The following R3HCC1L variants were observed in gnomAD, a reference collection of about 807,000 sequenced individuals.
The protein encoded by R3HCC1L is R3H domain and coiled-coil containing 1 like.
In R3HCC1L, 51 loss-of-function variants were observed where a neutral mutation model predicts 59.9. The ratio of observed to expected loss-of-function variants is 0.85; its 90% confidence interval spans 0.68 to 1.07. The LOEUF (loss-of-function observed/expected upper bound fraction) is 1.07, where lower values mean the gene tolerates loss of function less well. R3HCC1L is among the 50% of genes least tolerant of loss of function. R3HCC1L has a pLI of 0.00. For missense variants in R3HCC1L, 965 were observed against 933.0 expected, an observed-to-expected ratio of 1.03 and a Z score of -0.45; for synonymous variants, 322 against 315.2, an observed-to-expected ratio of 1.02 and a Z score of -0.23.
At chr10:98,147,784 C>G (rs913798181) in intron 1 of R3HCC1L, among the ~76,000 whole-genome samples, 7 of 152,048 alleles carry the variant, frequency 4.6e-5, no homozygotes, top group African/African-American at 1.4e-4. Context: ...GTTTTAATGC[C>G]AGTACCATAT....
chr10:98,209,562 A>G lies in R3HCC1L; in HGVS notation c.1448A>G (p.Tyr483Cys), dbSNP rs1691732492. 6.2e-7 allele frequency: 1 copy of G among 1,614,024 alleles called. No individual in the cohort carries two copies. The highest frequency in any genetic ancestry group is 8.5e-7 in the Non-Finnish European group (1 of 1,179,978). Residue 483 changes from tyrosine to cysteine, a missense_variant, in exon 5 of 10, where the codon TAT becomes TGT. Transcript: ENST00000298999. The stretch of plus-strand genomic sequence containing the variant: ...ATAAAAAAGATTGCTGGTAGTAATT[A>G]TAACACTTTTTTGGACTCTGAACTC... ...LPIKKIAGSN[Y>C]NTFLDSELSM...
At chr10:98,178,815 C>A (rs896127174) in intron 4 of R3HCC1L, among the ~76,000 whole-genome samples, 1 of 152,134 alleles carries the variant, frequency 6.6e-6, no homozygotes, top group Non-Finnish European at 1.5e-5. Context: ...ATTTTATTCT[C>A]TTAGTAGCAA....
intron 5 of R3HCC1L, among the ~76,000 whole-genome samples, chr10:98,216,988 T>A (rs1355142560): frequency 1.3e-5 from 2 of 152,212 alleles, no homozygotes; most frequent in Non-Finnish European, 2.9e-5. Flanking sequence ...CAAGATAATA[T>A]GTTCAGTGGG....
At chr10:98,168,534 T>A (rs7080806) in intron 4 of R3HCC1L, among the ~76,000 whole-genome samples, 27,852 of 152,180 alleles carry the variant, frequency 0.18, 2,694 homozygotes, top group Non-Finnish European at 0.2. Flanking sequence ...ACTGGAATCA[T>A]GTATCTTGTA....
chr10:98,236,233 AAATG>A, intron 9 of R3HCC1L, 69 bp downstream of exon 9: 1 of 1,556,452 alleles, frequency 6.4e-7, no homozygotes, highest in Non-Finnish European at 8.7e-7. Flanking sequence ...GTTTAAAAAA[AAATG>A]AATGAAGCCC....
At chr10:98,135,624 C>T (rs1345435275) in intron 1 of R3HCC1L, among the ~76,000 whole-genome samples, 1 of 152,160 alleles carries the variant, frequency 6.6e-6, no homozygotes. Context: ...CGAATCTGAA[C>T]CATACAGATG....
At chr10:98,152,416 C>T (rs1297052809) in intron 1 of R3HCC1L, among the ~76,000 whole-genome samples, 1 of 146,962 alleles carries the variant, frequency 6.8e-6, no homozygotes, top group Non-Finnish European at 1.5e-5. Context: ...GGCCGCCCAT[C>T]GTCTGGGATG....
intron 4 of R3HCC1L, among the ~76,000 whole-genome samples, chr10:98,190,280 C>T (rs1022547398): frequency 2.6e-5 from 4 of 152,136 alleles, no homozygotes; most frequent in Non-Finnish European, 4.4e-5. Context: ...TTGTGATTGA[C>T]ATTGAAAGTG....
intron 4 of R3HCC1L, among the ~76,000 whole-genome samples, chr10:98,188,755 T>C (rs937885296): frequency 6.6e-6 from 1 of 152,216 alleles, no homozygotes; most frequent in Non-Finnish European, 1.5e-5. Flanking sequence ...CACACTGATA[T>C]AGTCATATTG....
chr10:98,224,590 A>G lies in R3HCC1L; in HGVS notation c.1786-6922A>G, dbSNP rs145890047. ...ATGGTTTTGTGGAAGCTAGTTGTGCATATGAAGGAATACTCACATATCATT... is the reference window on the plus strand; with the variant it reads ...ATGGTTTTGTGGAAGCTAGTTGTGCGTATGAAGGAATACTCACATATCATT... On this transcript the variant is annotated intron_variant, in intron 5 of 9. Transcript: ENST00000298999. Among the ~76,000 whole-genome samples, 240 of 152,326 alleles carry G rather than the reference A, an allele frequency of 1.6e-3. 1 individual carries two copies. Among genetic ancestry groups the G allele is most frequent in the African/African-American group, 5.6e-3 (233 of 41,586 alleles).
intron 1 of R3HCC1L, among the ~76,000 whole-genome samples, chr10:98,154,740 G>T (rs1035054557): frequency 1.3e-5 from 2 of 152,182 alleles, no homozygotes; most frequent in Non-Finnish European, 2.9e-5. Flanking sequence ...GTAGATAACA[G>T]TTAATTGTCT....
chr10:98,180,863 G>A (rs1379086645), intron 4 of R3HCC1L, among the ~76,000 whole-genome samples: 2 of 152,092 alleles, frequency 1.3e-5, no homozygotes, highest in Non-Finnish European at 2.9e-5. Flanking sequence ...ATGAGACTAG[G>A]ATTGCAACCC....
chr10:98,234,900 A>G (rs1202440431), intron 7 of R3HCC1L, among the ~76,000 whole-genome samples: 1 of 152,150 alleles, frequency 6.6e-6, no homozygotes, highest in Non-Finnish European at 1.5e-5. Flanking sequence ...TATAATACAT[A>G]CCCTCTGAAT....
At chr10:98,163,033 CT>C (rs1292984296) in intron 3 of R3HCC1L, 58 bp downstream of exon 3, 21 of 170,728 alleles carry the variant, frequency 1.2e-4, no homozygotes, top group East Asian at 3.0e-4. Context: ...TGTCTTATCT[CT>C]TTTTTTTGTT....
intron 4 of R3HCC1L, among the ~76,000 whole-genome samples, chr10:98,180,445 C>T (rs1440247896): frequency 6.6e-6 from 1 of 152,104 alleles, no homozygotes; most frequent in Non-Finnish European, 1.5e-5. Flanking sequence ...GATTTCTGTT[C>T]TTTTTGATTT....
chr10:98,204,890 G>T (rs977468081), intron 4 of R3HCC1L, among the ~76,000 whole-genome samples: 10 of 152,060 alleles, frequency 6.6e-5, no homozygotes, highest in African/African-American at 2.4e-4. Context: ...ATCCATTGGG[G>T]ATCTTGGTAC....
intron 9 of R3HCC1L, among the ~76,000 whole-genome samples, chr10:98,242,869 T>G (rs1374493656): frequency 1.3e-5 from 2 of 152,198 alleles, no homozygotes; most frequent in Admixed American, 1.3e-4. Context: ...GACAAACCAG[T>G]TATCCTTTGT....
At chr10:98,155,828 G>A (rs1846803499) in intron 1 of R3HCC1L, among the ~76,000 whole-genome samples, 6 of 150,900 alleles carry the variant, frequency 4.0e-5, no homozygotes, top group Non-Finnish European at 7.4e-5. Flanking sequence ...TATATTTGGA[G>A]TTTCTATTAT....
At chr10:98,238,629 T>C (rs1334642345) in intron 9 of R3HCC1L, among the ~76,000 whole-genome samples, 1 of 152,092 alleles carries the variant, frequency 6.6e-6, no homozygotes, top group Non-Finnish European at 1.5e-5. Flanking sequence ...ACCCAGCTGG[T>C]AAACTGAAAG....
Sources: gnomAD v4.1 joint callset for allele counts (sites outside exome capture counted in the v4.1 genomes callset) on GRCh38, gnomAD v4.1.1 for gene constraint, MANE v1.5 for transcripts, NCBI Gene and HGNC (gene_info 2026-07-23, HGNC 2026-07-21) for gene names.